WDPCP: variants seen among roughly 807,000 people sequenced by gnomAD.
The protein encoded by WDPCP is WD repeat-containing and planar cell polarity effector protein fritz homolog.
Under a neutral mutation model 93.1 loss-of-function variants are expected in WDPCP, and 71 were observed. The ratio of observed to expected loss-of-function variants is 0.76; its 90% confidence interval spans 0.63 to 0.93. The LOEUF is 0.93. WDPCP is among the 40% of genes least tolerant of loss of function. The pLI, the probability that WDPCP is intolerant of heterozygous loss-of-function variation, is 0.00. For synonymous variants in WDPCP, 315 were observed against 315.0 expected (o/e 1.00, Z 0.00); for missense variants, 844 against 887.4 (o/e 0.95, Z 0.62).
chr2:63,785,053 A>G (rs1413277438), intron 2 of WDPCP, among the ~76,000 whole-genome samples: 1 of 152,198 alleles, frequency 6.6e-6, no homozygotes, highest in Non-Finnish European at 1.5e-5. Context: ...AACAAATGAA[A>G]CTATCTCCTT....
At chr2:63,319,241 G>C (rs1481616597) in intron 12 of WDPCP, among the ~76,000 whole-genome samples, 3 of 152,124 alleles carry the variant, frequency 2.0e-5, no homozygotes, top group Admixed American at 1.3e-4. Context: ...GGGTTTTATA[G>C]TTGTAGGTTT....
chr2:63,360,577 A>G (rs1323660228), intron 12 of WDPCP, among the ~76,000 whole-genome samples: 1 of 152,204 alleles, frequency 6.6e-6, no homozygotes, highest in Non-Finnish European at 1.5e-5. Context: ...GAAAATCTTT[A>G]TATTTTACTA....
At chr2:63,433,574 T>C (rs185775412) in intron 9 of WDPCP, among the ~76,000 whole-genome samples, 171 bp downstream of exon 9, 75 of 152,324 alleles carry the variant, frequency 4.9e-4, no homozygotes, top group African/African-American at 1.8e-3. Context: ...TACTACACTA[T>C]TCTAGCCAGC....
At chr2:63,387,197 C>T (rs755858585) in intron 10 of WDPCP, among the ~76,000 whole-genome samples, 10 of 152,188 alleles carry the variant, frequency 6.6e-5, no homozygotes, top group Non-Finnish European at 1.2e-4. Context: ...AAACTTATGG[C>T]CAATATCCTT....
At chr2:63,671,582 C>G (rs1319518355) in intron 2 of WDPCP, among the ~76,000 whole-genome samples, 1 of 151,990 alleles carries the variant, frequency 6.6e-6, no homozygotes. Context: ...GAGTCTCACT[C>G]TGTCACCCAG....
chr2:63,688,571 G>C (rs1299712039), intron 2 of WDPCP, among the ~76,000 whole-genome samples: 1 of 150,512 alleles, frequency 6.6e-6, no homozygotes, highest in Non-Finnish European at 1.5e-5. Context: ...TAGCACTACA[G>C]GGTGACTATA....
chr2:63,510,075 A>G (rs1476778555), intron 1 of WDPCP, among the ~76,000 whole-genome samples: 1 of 152,160 alleles, frequency 6.6e-6, no homozygotes, highest in African/African-American at 2.4e-5. Flanking sequence ...CCTCCCTCTC[A>G]TTTTATGAGG....
intron 17 of WDPCP, among the ~76,000 whole-genome samples, chr2:63,135,850 G>A (rs1358567789): frequency 6.6e-6 from 1 of 152,122 alleles, no homozygotes; most frequent in Non-Finnish European, 1.5e-5. Context: ...TCCTGCCTCA[G>A]CCTTCTGAGT....
intron 6 of WDPCP, among the ~76,000 whole-genome samples, chr2:63,474,990 G>C (rs969574910): frequency 6.6e-6 from 1 of 151,972 alleles, no homozygotes; most frequent in Non-Finnish European, 1.5e-5. Context: ...CAAATTTTCT[G>C]CCTTAAGCAT....
intron 1 of WDPCP, among the ~76,000 whole-genome samples, chr2:63,547,921 G>C (rs1705277049): frequency 6.6e-6 from 1 of 151,992 alleles, no homozygotes; most frequent in Non-Finnish European, 1.5e-5. Context: ...TTTCAAAATA[G>C]CTAGAAGAGA....
At chr2:63,167,694 C>T (rs1225690265) in intron 15 of WDPCP, among the ~76,000 whole-genome samples, 1 of 152,008 alleles carries the variant, frequency 6.6e-6, no homozygotes, top group African/African-American at 2.4e-5. Context: ...TCCATGAATT[C>T]TTAGGAAGAA....
At chr2:63,716,040 G>A (rs1669333297) in intron 2 of WDPCP, among the ~76,000 whole-genome samples, 1 of 152,162 alleles carries the variant, frequency 6.6e-6, no homozygotes, top group Admixed American at 6.5e-5. Flanking sequence ...CTTGCTGCAA[G>A]AATTAAAAGA....
At chr2:63,449,555 G>A (rs963357515) in intron 6 of WDPCP, among the ~76,000 whole-genome samples, 3 of 152,228 alleles carry the variant, frequency 2.0e-5, no homozygotes, top group East Asian at 3.9e-4. Context: ...GCTTGGTAAT[G>A]CCAGGAAAGA....
Position 63,152,921 on chromosome 2 carries a change from C to A in WDPCP, c.2183G>T (p.Arg728Ile). Residue 728 changes from arginine (R) to isoleucine (I), a missense_variant, in exon 17 of 18, where the codon AGA becomes ATA. Coordinates refer to ENST00000272321, the MANE Select transcript of WDPCP (RefSeq NM_015910.7). The part of the protein sequence containing the change: ...AEDGELREDG[R>I]EQEIRDGGSL... The stretch of plus-strand genomic sequence containing the variant: ...ACAGAGAAAGTGTTTTACCTGTTCT[C>A]TGCCGTCTTCTCTCAGTTCTCCGTC... The A allele has an allele frequency of 1.2e-6, 2 of 1,612,100 alleles. No individual in the cohort carries two copies. The highest frequency in any genetic ancestry group is 3.3e-4 in the Middle Eastern group (2 of 6,044).
chr2:63,734,344 G>A (rs967021701), intron 2 of WDPCP, among the ~76,000 whole-genome samples: 3 of 151,908 alleles, frequency 2.0e-5, no homozygotes, highest in Non-Finnish European at 2.9e-5. Flanking sequence ...GTGGCTTTAT[G>A]TATGTATTTA....
intron 8 of WDPCP, 129 bp from the exon 9 acceptor site, chr2:63,434,065 T>C: frequency 1.1e-6 from 1 of 911,084 alleles, no homozygotes; most frequent in South Asian, 1.6e-5. Context: ...AACATGTGCG[T>C]AAGAAGGTGT....
At chr2:63,427,119 C>T (rs147555345) in intron 9 of WDPCP, among the ~76,000 whole-genome samples, 1 of 152,286 alleles carries the variant, frequency 6.6e-6, no homozygotes, top group East Asian at 1.9e-4. Flanking sequence ...ATGTGAAAGA[C>T]TTAGCCGCAC....
intron 3 of WDPCP, among the ~76,000 whole-genome samples, chr2:63,639,194 C>G (rs940801955): frequency 6.6e-6 from 1 of 152,130 alleles, no homozygotes; most frequent in African/African-American, 2.4e-5. Flanking sequence ...CCAAGTTGCA[C>G]CACTGCACTC....
chr2:63,811,075 T>A lies in WDPCP; in HGVS notation n.308+2547A>T, dbSNP rs534881238. On this transcript the variant is annotated intron_variant and non_coding_transcript_variant, in intron 2 of 4. Coordinates refer to the WDPCP transcript ENST00000467687. ...AGTGGTTGTTTTTTTGGTTTGTTTG[T>A]TGGCAGAAACCAGGCTTCACTTCAA... Among the ~76,000 whole-genome samples, 213 of 152,336 alleles carry A rather than the reference T, an allele frequency of 1.4e-3. 1 individual carries two copies. The South Asian group carries it at 0.018, about 13-fold the overall frequency.
Sources: allele counts gnomAD v4.1 joint callset (sites outside exome capture counted in the v4.1 genomes callset), GRCh38; gene constraint gnomAD v4.1.1; transcripts MANE v1.5; gene names NCBI Gene and HGNC (gene_info 2026-07-23, HGNC 2026-07-21).